RBMS3: variants seen among roughly 807,000 people sequenced by gnomAD.
RBMS3 encodes RNA-binding motif, single-stranded-interacting protein 3.
In RBMS3, 27 loss-of-function variants were observed where a neutral mutation model predicts 66.8. The ratio of observed to expected loss-of-function variants is 0.40; its 90% CI spans 0.30 to 0.56. The LOEUF is 0.56. Among genes scored for constraint, RBMS3 ranks in the 20% least tolerant of loss-of-function variants. The probability of loss-of-function intolerance (pLI) is 0.40; values close to 1 mark genes in which losing one functional copy is unlikely to be tolerated. For synonymous variants in RBMS3, 188 were observed against 183.0 expected (o/e 1.03, Z -0.22); for missense variants, 513 against 549.5 (o/e 0.93, Z 0.66).
intron 1 of RBMS3, among the ~76,000 whole-genome samples, chr3:29,348,039 T>C (rs184026202): frequency 1.3e-5 from 2 of 152,264 alleles, no homozygotes; most frequent in African/African-American, 4.8e-5. Context: ...TCAATAAAGT[T>C]GGAAATTTAT....
At chr3:29,405,658 C>T (rs2039988544) in intron 1 of RBMS3, among the ~76,000 whole-genome samples, 2 of 152,128 alleles carry the variant, frequency 1.3e-5, no homozygotes, top group Admixed American at 1.3e-4. Context: ...CTGCATCTTG[C>T]TCCCTCAGTC....
chr3:29,931,530 A>G (rs1308572221), intron 10 of RBMS3, among the ~76,000 whole-genome samples: 2 of 152,206 alleles, frequency 1.3e-5, no homozygotes, highest in Non-Finnish European at 2.9e-5. Flanking sequence ...AAATTTATCA[A>G]GGTAGATAAG....
chr3:30,004,315 G>C lies in RBMS3; in HGVS notation c.*453G>C, dbSNP rs1260718360. 6.7e-6 allele frequency: 1 copy of C among 150,372 alleles called. No individual in the cohort carries two copies. Among genetic ancestry groups the C allele is most frequent in the East Asian group, 1.9e-4 (1 of 5,142 alleles). 9.3% of individuals were successfully genotyped at this position (150,372 alleles called of 1,614,324 possible). The stretch of plus-strand genomic sequence containing the variant: ...AGCTACTTTCTCTTTTTCCCTTCTT[G>C]TTTTAATCTAGTGGGTTTTTTATTT... On this transcript the variant is annotated 3_prime_UTR_variant, in exon 15 of 15. Coordinates refer to ENST00000383767, the MANE Select transcript of RBMS3 (RefSeq NM_001003793.3).
At chr3:29,970,816 G>T (rs1452710032) in intron 12 of RBMS3, among the ~76,000 whole-genome samples, 9 of 152,058 alleles carry the variant, frequency 5.9e-5, no homozygotes, top group African/African-American at 2.2e-4. Flanking sequence ...CATTAATGAA[G>T]ATTTGGGATG....
intron 4 of RBMS3, among the ~76,000 whole-genome samples, chr3:29,682,417 T>C (rs1388046941): frequency 1.3e-5 from 2 of 152,204 alleles, no homozygotes; most frequent in Admixed American, 6.5e-5. Context: ...CCTCCCAAAG[T>C]GCGGGGATGA....
At chr3:29,894,492 G>A (rs2060079022) in intron 8 of RBMS3, among the ~76,000 whole-genome samples, 1 of 151,380 alleles carries the variant, frequency 6.6e-6, no homozygotes, top group African/African-American at 2.4e-5. Context: ...CTCAGTGTGT[G>A]CGTGTGAGAG....
chr3:29,750,650 A>G (rs1412892475), intron 5 of RBMS3, among the ~76,000 whole-genome samples: 3 of 152,152 alleles, frequency 2.0e-5, no homozygotes, highest in African/African-American at 4.8e-5. Context: ...TTCATCACCC[A>G]TATATTAAGC....
intron 4 of RBMS3, among the ~76,000 whole-genome samples, chr3:29,715,476 T>C (rs1284671509): frequency 2.6e-5 from 4 of 152,160 alleles, no homozygotes; most frequent in African/African-American, 9.7e-5. Flanking sequence ...AATTTCCGCC[T>C]TCAATTTAAG....
intron 2 of RBMS3, among the ~76,000 whole-genome samples, chr3:29,463,762 C>T (rs1575891882): frequency 6.6e-6 from 1 of 152,034 alleles, no homozygotes; most frequent in African/African-American, 2.4e-5. Flanking sequence ...CTTAAAAATA[C>T]ACTACAGTCG....
chr3:29,523,666 T>G (rs1016139484), intron 3 of RBMS3, among the ~76,000 whole-genome samples: 1 of 152,190 alleles, frequency 6.6e-6, no homozygotes, highest in Non-Finnish European at 1.5e-5. Flanking sequence ...AGCTACTTTC[T>G]GTTGTCAGTC....
intron 4 of RBMS3, among the ~76,000 whole-genome samples, chr3:29,589,026 CAG>C (rs2047632662): frequency 6.6e-6 from 1 of 152,068 alleles, no homozygotes; most frequent in Non-Finnish European, 1.5e-5. Flanking sequence ...GTAATGAAAA[CAG>C]CATGCATAAT....
At chr3:29,408,546 A>C (rs1422745612) in intron 1 of RBMS3, among the ~76,000 whole-genome samples, 2 of 152,148 alleles carry the variant, frequency 1.3e-5, no homozygotes, top group Admixed American at 1.3e-4. Context: ...TAGACATTTG[A>C]TAATGGTCTT....
intron 1 of RBMS3, among the ~76,000 whole-genome samples, chr3:29,374,889 A>G (rs1372597109): frequency 4.6e-5 from 7 of 152,226 alleles, no homozygotes; most frequent in Admixed American, 4.6e-4. Flanking sequence ...GATGACAACT[A>G]TATAATGAGG....
intron 12 of RBMS3, among the ~76,000 whole-genome samples, chr3:29,961,673 A>G (rs1390019615): frequency 6.6e-6 from 1 of 152,058 alleles, no homozygotes; most frequent in African/African-American, 2.4e-5. Context: ...GGAAGGAAGA[A>G]GTGCCAAGCA....
intron 6 of RBMS3, among the ~76,000 whole-genome samples, chr3:29,776,578 T>C (rs1019153402): frequency 6.6e-6 from 1 of 152,026 alleles, no homozygotes; most frequent in African/African-American, 2.4e-5. Context: ...TTTCTAGAAT[T>C]AACTGAGAGA....
chr3:29,312,748 T>A (rs1035778875), intron 1 of RBMS3, among the ~76,000 whole-genome samples: 2 of 151,420 alleles, frequency 1.3e-5, no homozygotes, highest in Admixed American at 6.6e-5. Context: ...AATATAGAGA[T>A]GAAGTCCCGT....
chr3:29,324,547 A>G (rs2035202086), intron 1 of RBMS3, among the ~76,000 whole-genome samples: 1 of 151,446 alleles, frequency 6.6e-6, no homozygotes. Flanking sequence ...CGTGGAATTT[A>G]TTTCTTCTGT....
At chr3:29,938,537 T>C (rs1427949125) in intron 11 of RBMS3, among the ~76,000 whole-genome samples, 1 of 151,990 alleles carries the variant, frequency 6.6e-6, no homozygotes, top group Non-Finnish European at 1.5e-5. Context: ...TTTAACAAAA[T>C]ATAATTAAGT....
chr3:29,769,584 GC>G (rs1206786308), intron 6 of RBMS3, among the ~76,000 whole-genome samples: 1 of 151,380 alleles, frequency 6.6e-6, no homozygotes, highest in Non-Finnish European at 1.5e-5. Context: ...CTTGGTAGGA[GC>G]AGGTTAAGTG....
Sources: gnomAD v4.1 joint callset for allele counts (sites outside exome capture counted in the v4.1 genomes callset) on GRCh38, gnomAD v4.1.1 for gene constraint, MANE v1.5 for transcripts, NCBI Gene and HGNC (gene_info 2026-07-23, HGNC 2026-07-21) for gene names.